The following NMBR variants were observed in gnomAD, a reference collection of about 807,000 sequenced individuals.
The protein encoded by NMBR is neuromedin B receptor, also known as neuromedin-B receptor.
A neutral mutation model predicts 20.5 loss-of-function variants in NMBR; 16 were observed. The ratio of observed to expected loss-of-function variants is 0.78; its 90% CI spans 0.53 to 1.19. The LOEUF is 1.19. Among genes scored for constraint, NMBR ranks in the 50% most tolerant of loss-of-function variants. The pLI is 0.00. For synonymous variants in NMBR, 212 were observed against 196.6 expected (o/e 1.08, Z -0.65); for missense variants, 582 against 499.1 (o/e 1.17, Z -1.58).
At chr6:142,115,614 C>G (rs1777837306) in intron 1 of NMBR, among the ~76,000 whole-genome samples, 1 of 102,786 alleles carries the variant, frequency 9.7e-6, no homozygotes, top group Admixed American at 9.1e-5. Context: ...ACTTTTAAGG[C>G]TAGACCTGAA....
At chr6:142,136,306 G>A (rs1423983442) in intron 1 of NMBR, among the ~76,000 whole-genome samples, 1 of 152,182 alleles carries the variant, frequency 6.6e-6, no homozygotes, top group Non-Finnish European at 1.5e-5. Context: ...TTTGAGAAGT[G>A]TTTGTTCATA....
intron 1 of NMBR, chr6:142,134,889 A>G (rs1047950464): frequency 8.2e-6 from 5 of 610,342 alleles, no homozygotes; most frequent in Non-Finnish European, 1.4e-5. Context: ...TTGAGATCAT[A>G]TTTAGAAGAT....
In NMBR at chr6:142,078,894, G is replaced by C; in HGVS notation, c.432C>G (p.Ala144=). ...TCTGCATGTCCATGGGGTTAACGAT[G>C]GCTCTGTACCTGGGAAAATGATACA... ...LTALSADRYR[A]IVNPMDMQTS... The change falls in exon 3 of 4, where the codon GCC becomes GCG. Residue 144 remains alanine, a synonymous_variant. Transcript: ENST00000258042. 1 of 1,601,464 alleles carries C rather than the reference G, an allele frequency of 6.2e-7. No individual in the cohort carries two copies. Among genetic ancestry groups the C allele is most frequent in the Non-Finnish European group, 8.5e-7 (1 of 1,172,844 alleles).
chr6:142,079,126 G>GAAAGAAAGAAAGAAA (rs11451074), intron 2 of NMBR, among the ~76,000 whole-genome samples: 1 of 103,278 alleles, frequency 9.7e-6, no homozygotes, highest in Non-Finnish European at 1.9e-5. Context: ...AAGAAAGAAA[G>GAAAGAAAGAAAGAAA]AAGAAAGAAA....
chr6:142,093,251 A>G (rs1321022997), intron 1 of NMBR, among the ~76,000 whole-genome samples: 2 of 149,956 alleles, frequency 1.3e-5, no homozygotes, highest in African/African-American at 4.9e-5. Flanking sequence ...TGCTGCACAC[A>G]TTAACTCATC....
chr6:142,088,886 A>G lies in NMBR; in HGVS notation c.-228T>C, dbSNP rs1428220525. 72 of 454,038 alleles carry G rather than the reference A, an allele frequency of 1.6e-4. 1 individual carries two copies. Among genetic ancestry groups the G allele is most frequent in the Non-Finnish European group, 1.7e-4 (45 of 260,916 alleles). The allele number at this position is 454,038 out of a possible 1,614,324, so 28.1% of individuals were successfully genotyped here. A position where few individuals can be genotyped will look rare whatever the true frequency, so the allele number is the denominator to read the frequency against. On this transcript the variant is annotated 5_prime_UTR_variant, in exon 2 of 4. Coordinates refer to ENST00000258042, the MANE Select transcript of NMBR (RefSeq NM_002511.4). ...CTAGAGGGGGGAAATGGCTCCGGCT[A>G]ACTCTGAATTTAAATTAAAAAAAAA... is the stretch of plus-strand genomic sequence containing the variant.
At chr6:142,109,752 T>C (rs955155599) in intron 1 of NMBR, among the ~76,000 whole-genome samples, 3 of 152,056 alleles carry the variant, frequency 2.0e-5, no homozygotes, top group Admixed American at 6.6e-5. Flanking sequence ...CTAGGGGTAT[T>C]GTATTAAGAG....
chr6:142,091,053 A>C (rs1299026168), intron 1 of NMBR, among the ~76,000 whole-genome samples: 1 of 152,174 alleles, frequency 6.6e-6, no homozygotes, highest in Non-Finnish European at 1.5e-5. Flanking sequence ...ATTGTAGTGA[A>C]GAATATAATG....
rs1776896506 is a variant in NMBR, at chr6:142,074,836, C to A, written c.*812G>T. ...GGACATATGATACCTATTTTACATT[C>A]ATAATGTAAATCATATTCATATGAT... On this transcript the variant is annotated 3_prime_UTR_variant, in exon 4 of 4. Transcript: ENST00000258042. 6.6e-6 allele frequency among the ~76,000 whole-genome samples: 1 copy of A among 152,010 alleles called. No homozygotes were observed. Among genetic ancestry groups the A allele is most frequent in the Non-Finnish European group, 1.5e-5 (1 of 67,982 alleles).
intron 1 of NMBR, among the ~76,000 whole-genome samples, chr6:142,136,489 C>A (rs1292750869): frequency 1.3e-5 from 2 of 152,080 alleles, no homozygotes; most frequent in Non-Finnish European, 2.9e-5. Context: ...TGCAGAAGCT[C>A]TTTAGTTTAA....
At chr6:142,115,207 T>G (rs1329481049) in intron 1 of NMBR, among the ~76,000 whole-genome samples, 1 of 152,100 alleles carries the variant, frequency 6.6e-6, no homozygotes, top group Non-Finnish European at 1.5e-5. Flanking sequence ...TTGCTTTTAC[T>G]CAGTTGATCA....
At chr6:142,125,719 T>A (rs202174232) in intron 1 of NMBR, among the ~76,000 whole-genome samples, 2,333 of 151,932 alleles carry the variant, frequency 0.015, 49 homozygotes, top group South Asian at 0.07. Flanking sequence ...ATTTTCAGAT[T>A]TATCATGGTA....
In NMBR at chr6:142,089,067, G is replaced by A. The variant is rs1431872173; in HGVS notation, c.-409C>T. The A allele has an allele frequency of 1.2e-5, 2 of 166,886 alleles. No individual in the cohort carries two copies. The highest frequency in any genetic ancestry group is 3.2e-4 in the East Asian group (2 of 6,264). The allele number at this position is 166,886 out of a possible 1,614,324, so 10.3% of individuals were successfully genotyped here. Reference sequence around the variant, plus strand: ...CGCCCAGAGAAGCAGAAGTCATCCTGGCGCTGTCCAGCGGGCCGCAGCTGA... The same window carrying A: ...CGCCCAGAGAAGCAGAAGTCATCCTAGCGCTGTCCAGCGGGCCGCAGCTGA... On this transcript the variant is annotated 5_prime_UTR_variant, in exon 2 of 4. Transcript: ENST00000258042.
At chr6:142,126,248 T>G (rs1288300203) in intron 1 of NMBR, among the ~76,000 whole-genome samples, 1 of 130,808 alleles carries the variant, frequency 7.6e-6, no homozygotes, top group East Asian at 2.0e-4. Flanking sequence ...CTTAACAATA[T>G]TCCTCTCTCT....
At chr6:142,078,959 A>C (rs1317434313) in intron 2 of NMBR, 56 bp from the exon 3 acceptor site, 1 of 1,230,070 alleles carries the variant, frequency 8.1e-7, no homozygotes, top group Non-Finnish European at 1.1e-6. Flanking sequence ...AAAAAAGAGA[A>C]AGAAAAGAAA....
intron 1 of NMBR, among the ~76,000 whole-genome samples, chr6:142,107,283 G>T (rs1196626270): frequency 6.6e-6 from 1 of 152,156 alleles, no homozygotes; most frequent in Admixed American, 6.5e-5. Flanking sequence ...TCAAAAACCA[G>T]TCTTGCAAAG....
chr6:142,083,253 A>G (rs1372000542), intron 2 of NMBR, among the ~76,000 whole-genome samples: 2 of 152,196 alleles, frequency 1.3e-5, no homozygotes, highest in Admixed American at 6.5e-5. Flanking sequence ...AGAAACTACA[A>G]TTGATTCTGT....
At chr6:142,128,032 T>C (rs1290786339) in intron 1 of NMBR, among the ~76,000 whole-genome samples, 3 of 152,100 alleles carry the variant, frequency 2.0e-5, no homozygotes, top group East Asian at 3.9e-4. Context: ...TCCTCAATGT[T>C]GGAGGTGGGA....
At chr6:142,084,355 TGTATTAATA>T (rs1399932114) in intron 2 of NMBR, among the ~76,000 whole-genome samples, 2 of 152,224 alleles carry the variant, frequency 1.3e-5, no homozygotes, top group African/African-American at 4.8e-5. Flanking sequence ...ACTTGGATTT[TGTATTAATA>T]ACTATTAATG....
Sources: gnomAD v4.1 joint callset for allele counts (sites outside exome capture counted in the v4.1 genomes callset) on GRCh38, gnomAD v4.1.1 for gene constraint, MANE v1.5 for transcripts, NCBI Gene and HGNC (gene_info 2026-07-23, HGNC 2026-07-21) for gene names.